The following PEX5L variants were observed in gnomAD, a reference collection of about 807,000 sequenced individuals.
PEX5L encodes peroxisomal biogenesis factor 5 like.
A neutral mutation model predicts 84.0 loss-of-function variants in PEX5L; 30 were observed. The ratio of observed to expected loss-of-function variants is 0.36; its 90% CI spans 0.27 to 0.48. The LOEUF is 0.48. Ranked by LOEUF, PEX5L falls within the 20% of genes least tolerant of loss-of-function variation. The pLI is 0.99. For synonymous variants in PEX5L, 270 were observed against 283.1 expected (o/e 0.95, Z 0.46); for missense variants, 533 against 754.6 (o/e 0.71, Z 3.44).
chr3:179,806,673 C>A (rs147512505), intron 14 of PEX5L, among the ~76,000 whole-genome samples: 149 of 152,254 alleles, frequency 9.8e-4, no homozygotes, highest in African/African-American at 3.4e-3. Context: ...TAATAATCAT[C>A]ATAATAAATG....
chr3:180,021,107 A>G (rs1191413458), intron 1 of PEX5L, among the ~76,000 whole-genome samples: 1 of 152,134 alleles, frequency 6.6e-6, no homozygotes, highest in African/African-American at 2.4e-5. Context: ...AGGTTTACGG[A>G]AGACTCCTTA....
intron 9 of PEX5L, among the ~76,000 whole-genome samples, chr3:179,816,917 A>T (rs974477293): frequency 2.6e-5 from 4 of 152,206 alleles, no homozygotes; most frequent in African/African-American, 9.6e-5. Flanking sequence ...ACGACCACTA[A>T]TATTTTTGAG....
intron 2 of PEX5L, among the ~76,000 whole-genome samples, chr3:179,932,226 T>A (rs1455500653): frequency 6.6e-6 from 1 of 152,106 alleles, no homozygotes; most frequent in African/African-American, 2.4e-5. Flanking sequence ...GTTCAAAACC[T>A]CAGGTATAGT....
chr3:179,939,202 A>C (rs1452795392), intron 2 of PEX5L, among the ~76,000 whole-genome samples: 6 of 152,252 alleles, frequency 3.9e-5, no homozygotes. Flanking sequence ...TTTGAAATGA[A>C]GATGCTTACT....
rs192220257 is a variant in PEX5L at position 180,006,259 on chromosome 3, T to C, written c.21+30320A>G. On this transcript the variant is annotated intron_variant, in intron 1 of 14. Transcript: ENST00000467460. ...CCTTATTTCCATTCATACCAGGCCTTATATTCCCTTCGCCACTTCCTTCTT... is the reference window on the plus strand; with the variant it reads ...CCTTATTTCCATTCATACCAGGCCTCATATTCCCTTCGCCACTTCCTTCTT... 2.0e-3 allele frequency among the ~76,000 whole-genome samples: 306 copies of C among 152,320 alleles called. 2 individuals are homozygous for C. The highest frequency in any genetic ancestry group is 3.6e-3 in the Non-Finnish European group (243 of 68,016).
chr3:179,958,426 T>C (rs1309801480), intron 2 of PEX5L, among the ~76,000 whole-genome samples: 1 of 152,226 alleles, frequency 6.6e-6, no homozygotes, highest in Non-Finnish European at 1.5e-5. Flanking sequence ...GGTATGATAG[T>C]AACCTACATG....
At chr3:179,882,365 C>T (rs954163721) in intron 4 of PEX5L, among the ~76,000 whole-genome samples, 1 of 152,204 alleles carries the variant, frequency 6.6e-6, no homozygotes, top group Non-Finnish European at 1.5e-5. Flanking sequence ...CAGTAAGGTT[C>T]TTTCCCCCTC....
In PEX5L at chr3:180,020,098, A is replaced by C. The variant is rs188210847; in HGVS notation, c.21+16481T>G. Among the ~76,000 whole-genome samples, 3 of 152,284 alleles carry C rather than the reference A, an allele frequency of 2.0e-5. No individual in the cohort carries two copies. The East Asian group carries it at 5.8e-4, about 29-fold the overall frequency. On this transcript the variant is annotated intron_variant, in intron 1 of 14. Coordinates refer to ENST00000467460, the MANE Select transcript of PEX5L (RefSeq NM_016559.3). Reference sequence around the variant, plus strand: ...CGAAAATTTCCCCCATGTCTTCAAAACCAGAAGAAAAATATGAAAATAATC... The same window carrying C: ...CGAAAATTTCCCCCATGTCTTCAAACCCAGAAGAAAAATATGAAAATAATC...
At chr3:179,942,727 C>T (rs1038156782) in intron 2 of PEX5L, among the ~76,000 whole-genome samples, 1 of 152,242 alleles carries the variant, frequency 6.6e-6, no homozygotes, top group Non-Finnish European at 1.5e-5. Context: ...CCTGCTCCAG[C>T]CCTTCAAGGC....
intron 2 of PEX5L, among the ~76,000 whole-genome samples, chr3:179,926,282 A>G (rs916168076): frequency 6.6e-6 from 1 of 152,186 alleles, no homozygotes; most frequent in East Asian, 1.9e-4. Context: ...ACCAGAGGAA[A>G]AGGCAAATCC....
At chr3:180,016,365 A>T (rs542909192) in intron 1 of PEX5L, among the ~76,000 whole-genome samples, 15 of 152,172 alleles carry the variant, frequency 9.9e-5, no homozygotes, top group Non-Finnish European at 2.2e-4. Flanking sequence ...CTATCTCTCT[A>T]TATATGTGAA....
chr3:179,818,690 G>C (rs76372250), intron 9 of PEX5L, among the ~76,000 whole-genome samples: 2,129 of 147,826 alleles, frequency 0.014, 47 homozygotes, highest in Middle Eastern at 0.13. Flanking sequence ...CCACAAACAA[G>C]TGAGAACATA....
intron 12 of PEX5L, among the ~76,000 whole-genome samples, chr3:179,808,674 G>C (rs1722366277): frequency 6.6e-6 from 1 of 152,166 alleles, no homozygotes; most frequent in East Asian, 1.9e-4. Context: ...AGGTCTTCAC[G>C]AGGCGAGTTC....
At chr3:179,821,357 G>C (rs575274895) in intron 8 of PEX5L, among the ~76,000 whole-genome samples, 77 of 152,278 alleles carry the variant, frequency 5.1e-4, no homozygotes, top group Admixed American at 9.8e-4. Context: ...GTGACTTGTT[G>C]ATATACCATC....
chr3:179,940,522 G>A (rs993799859), intron 2 of PEX5L, among the ~76,000 whole-genome samples: 1 of 152,064 alleles, frequency 6.6e-6, no homozygotes, highest in East Asian at 1.9e-4. Flanking sequence ...AATGGTCTAC[G>A]GTTTCTTCAA....
chr3:179,898,033 T>C (rs1168300973), intron 3 of PEX5L, 109 bp downstream of exon 3: 1 of 582,726 alleles, frequency 1.7e-6, no homozygotes, highest in African/African-American at 1.9e-5. Flanking sequence ...AAACTGTCTT[T>C]AAAAAAATTG....
Position 179,999,012 on chromosome 3 carries a change from A to C in PEX5L, c.22-27347T>G, listed in dbSNP as rs1188040838. 3.9e-5 allele frequency among the ~76,000 whole-genome samples: 6 copies of C among 152,222 alleles called. No homozygotes were observed. The East Asian group carries it at 1.2e-3, about 29-fold the overall frequency. ...GGACATCTCTGAAAGACAGCAGTGA[A>C]AGGAAGTCTTCCCAGTGGGCAGAAC... On this transcript the variant is annotated intron_variant, in intron 1 of 14. Transcript: ENST00000467460.
At position 179,800,595 on chromosome 3, in the gene PEX5L, A is replaced by ACTT. The variant is rs1361423344; in HGVS notation, c.*1230_*1232dup. The ACTT allele has an allele frequency of 1.4e-4, 21 of 152,220 alleles. 1 individual carries two copies. Among genetic ancestry groups the ACTT allele is most frequent in the Admixed American group, 1.4e-3 (21 of 15,274 alleles). The allele number at this position is 152,220 out of a possible 1,614,324, so 9.4% of individuals were successfully genotyped here. On this transcript the variant is annotated 3_prime_UTR_variant, in exon 15 of 15. Coordinates refer to ENST00000467460, the MANE Select transcript of PEX5L (RefSeq NM_016559.3). ...CCACTGCTAATAGAAAATTCCCAAT[A>ACTT]CTTGCTAAATGTTCAAAGAGCCAAA...
chr3:179,944,000 T>C (rs1213502200), intron 2 of PEX5L, among the ~76,000 whole-genome samples: 33 of 147,632 alleles, frequency 2.2e-4, no homozygotes, highest in African/African-American at 8.0e-4. Flanking sequence ...GAATATGCCC[T>C]CCCCCCCCCA....
Sources: allele counts gnomAD v4.1 joint callset (sites outside exome capture counted in the v4.1 genomes callset), GRCh38; gene constraint gnomAD v4.1.1; transcripts MANE v1.5; gene names NCBI Gene and HGNC (gene_info 2026-07-23, HGNC 2026-07-21).